The following NR3C2 variants were observed in gnomAD, a reference collection of about 807,000 sequenced individuals.
NR3C2 encodes the protein mineralocorticoid receptor.
NR3C2 carries 15 observed loss-of-function variants against 86.4 expected under a neutral mutation model. The observed-to-expected ratio is 0.17, with a 90% CI of 0.12 to 0.27. The LOEUF (loss-of-function observed/expected upper bound fraction) is 0.27, where lower values mean the gene tolerates loss of function less well. Among genes scored for constraint, NR3C2 ranks in the 10% least tolerant of loss-of-function variants. NR3C2 has a pLI of 1.00. For missense variants in NR3C2, 960 were observed against 1,195.6 expected (o/e 0.80, Z 2.91); for synonymous variants, 458 against 450.5 (o/e 1.02, Z -0.21).
chr4:148,436,326 C>T lies in NR3C2; in HGVS notation c.535G>A (p.Ala179Thr), dbSNP rs751757447. ...CACATGATAGGGCTTTTAACAACGG[C>T]GCGCATGACGCCACCATTCACGGAG... ...GSSVNGGVMR[A>T]VVKSPIMCHE... The change falls in exon 2 of 9, where the codon GCC becomes ACC. Residue 179 changes from alanine to threonine, a missense_variant. Physicochemically the swap from Ala to Thr is moderately conservative, Grantham distance 58. This residue lies in a region of NR3C2 where 680 missense variants were observed against 719.0 expected (regional missense o/e 0.95). Coordinates refer to ENST00000358102, the MANE Select transcript of NR3C2 (RefSeq NM_000901.5). 1.9e-6 allele frequency: 3 copies of T among 1,614,136 alleles called. No homozygotes were observed. The highest frequency in any genetic ancestry group is 1.3e-5 in the African/African-American group (1 of 75,038).
chr4:148,260,217 C>T, intron 2 of NR3C2, 100 bp from the exon 3 acceptor site: 2 of 1,468,180 alleles, frequency 1.4e-6, no homozygotes, highest in Non-Finnish European at 1.9e-6. Context: ...TGGTTCGATA[C>T]AAGAATTCAG....
intron 2 of NR3C2, among the ~76,000 whole-genome samples, chr4:148,389,633 T>A (rs1285124925): frequency 6.6e-6 from 1 of 152,150 alleles, no homozygotes; most frequent in African/African-American, 2.4e-5. Context: ...AGGTGCCAGT[T>A]TAATAAGAGA....
intron 3 of NR3C2, among the ~76,000 whole-genome samples, chr4:148,197,745 G>C (rs963609677): frequency 6.6e-6 from 1 of 152,166 alleles, no homozygotes; most frequent in Non-Finnish European, 1.5e-5. Context: ...AGAGTTGTAA[G>C]AGACTGTTGC....
chr4:148,365,289 C>A (rs1326112390), intron 2 of NR3C2, among the ~76,000 whole-genome samples: 2 of 152,124 alleles, frequency 1.3e-5, no homozygotes, highest in African/African-American at 4.8e-5. Flanking sequence ...CACATGAGGT[C>A]AGCTGTGAAA....
At chr4:148,296,344 T>C (rs1224572722) in intron 2 of NR3C2, among the ~76,000 whole-genome samples, 2 of 152,132 alleles carry the variant, frequency 1.3e-5, no homozygotes, top group African/African-American at 4.8e-5. Flanking sequence ...TTAAGAACCA[T>C]AAAATATTTT....
chr4:148,265,056 T>G (rs922038832), intron 2 of NR3C2, among the ~76,000 whole-genome samples: 2 of 152,158 alleles, frequency 1.3e-5, no homozygotes, highest in East Asian at 3.9e-4. Flanking sequence ...GAAACATTGT[T>G]CACAGAAAGA....
At chr4:148,159,287 T>C (rs922630920) in intron 4 of NR3C2, among the ~76,000 whole-genome samples, 13 of 152,244 alleles carry the variant, frequency 8.5e-5, no homozygotes, top group Non-Finnish European at 1.8e-4. Context: ...ATTAGTTTAC[T>C]TCCCTGTGGG....
chr4:148,328,622 G>T (rs1433774891), intron 2 of NR3C2, among the ~76,000 whole-genome samples: 1 of 152,156 alleles, frequency 6.6e-6, no homozygotes, highest in Non-Finnish European at 1.5e-5. Context: ...TCTGTATTCA[G>T]GAGTTATCTA....
Position 148,113,984 on chromosome 4 carries a change from T to A in NR3C2, c.2799+120A>T, listed in dbSNP as rs1006254386. On this transcript the variant is annotated intron_variant, in intron 8 of 8. Coordinates refer to ENST00000358102, the MANE Select transcript of NR3C2 (RefSeq NM_000901.5). ...CCCTTGGACATGGCGATATCCTTAA[T>A]GGAGTCAACAGAGGTCTAGCATGAC... 36 of 1,176,354 alleles carry A rather than the reference T, an allele frequency of 3.1e-5. No homozygotes were observed. In the African/African-American group the frequency reaches 5.3e-4, roughly 17 times the overall value. 72.9% of individuals were successfully genotyped at this position (1,176,354 alleles called of 1,614,324 possible).
Position 148,436,600 on chromosome 4 carries a change from A to C in NR3C2, c.261T>G (p.Asp87Glu). The C allele has an allele frequency of 6.2e-7, 1 of 1,614,236 alleles. No homozygotes were observed. Among genetic ancestry groups the C allele is most frequent in the Non-Finnish European group, 8.5e-7 (1 of 1,180,048 alleles). Residue 87 changes from aspartate to glutamate, a missense_variant, in exon 2 of 9, where the codon GAT (aspartate) becomes GAG (glutamate). Coordinates refer to ENST00000358102, the MANE Select transcript of NR3C2 (RefSeq NM_000901.5). ...DNNRPGILTS[D>E]IKTELESKEL... ...CCTTAGATTCCAGCTCAGTTTTAAT[A>C]TCAGATGTTAAAATCCCAGGCCGAT...
At chr4:148,349,478 T>C (rs1489203432) in intron 2 of NR3C2, among the ~76,000 whole-genome samples, 1 of 152,102 alleles carries the variant, frequency 6.6e-6, no homozygotes, top group African/African-American at 2.4e-5. Context: ...GAAAAGAAAT[T>C]GTACTCAGAG....
intron 2 of NR3C2, among the ~76,000 whole-genome samples, chr4:148,311,385 G>A (rs116679111): frequency 2.6e-3 from 397 of 152,280 alleles, no homozygotes; most frequent in African/African-American, 8.8e-3. Flanking sequence ...CCCCATCTGG[G>A]TTAATGACAA....
intron 2 of NR3C2, among the ~76,000 whole-genome samples, chr4:148,384,129 G>A (rs1398268): frequency 0.99 from 149,897 of 152,094 alleles, 73,902 homozygotes; most frequent in East Asian, 1. Context: ...TTTTCTACAT[G>A]TTCAAAATAG....
At chr4:148,200,202 G>C (rs912818522) in intron 3 of NR3C2, among the ~76,000 whole-genome samples, 3 of 152,214 alleles carry the variant, frequency 2.0e-5, no homozygotes, top group African/African-American at 7.2e-5. Flanking sequence ...GCCACTTCCA[G>C]AGGTCGCCAA....
intron 4 of NR3C2, among the ~76,000 whole-genome samples, chr4:148,161,472 C>T (rs1734657911): frequency 1.3e-5 from 2 of 152,036 alleles, no homozygotes; most frequent in African/African-American, 4.8e-5. Flanking sequence ...GCCTCAGCCT[C>T]CCAAGTAGAT....
At chr4:148,165,674 C>T (rs1056558448) in intron 4 of NR3C2, among the ~76,000 whole-genome samples, 4 of 152,040 alleles carry the variant, frequency 2.6e-5, no homozygotes, top group East Asian at 1.9e-4. Flanking sequence ...ATAACTGAAC[C>T]ATTAAAAACT....
intron 3 of NR3C2, among the ~76,000 whole-genome samples, chr4:148,199,098 A>G (rs1736587382): frequency 6.6e-6 from 1 of 151,542 alleles, no homozygotes; most frequent in South Asian, 2.1e-4. Context: ...AAAAAAAAAA[A>G]AAAAGTAGGA....
intron 3 of NR3C2, among the ~76,000 whole-genome samples, chr4:148,243,773 T>C (rs1739179216): frequency 6.6e-6 from 1 of 152,232 alleles, no homozygotes; most frequent in Admixed American, 6.5e-5. Context: ...CTATGATTTC[T>C]TACCATAGTA....
intron 3 of NR3C2, among the ~76,000 whole-genome samples, chr4:148,220,985 G>C (rs1288708412): frequency 6.6e-6 from 1 of 152,198 alleles, no homozygotes; most frequent in Non-Finnish European, 1.5e-5. Context: ...CACATGCTAA[G>C]AGGAGTAAAA....
Sources: gnomAD v4.1 joint callset for allele counts (sites outside exome capture counted in the v4.1 genomes callset) on GRCh38, gnomAD v4.1.1 for gene constraint, gnomAD v4.1.1 regional missense constraint, MANE v1.5 for transcripts, NCBI Gene and HGNC (gene_info 2026-07-23, HGNC 2026-07-21) for gene names.